Variants in WDR19 observed in about 807,000 individuals in gnomAD.
The protein encoded by WDR19 is WD repeat domain 19.
Under a neutral mutation model 180.0 loss-of-function variants are expected in WDR19, and 121 were observed. The observed-to-expected ratio is 0.67, with a 90% CI of 0.58 to 0.78. WDR19 has a LOEUF of 0.78. WDR19 is among the 30% of genes least tolerant of loss of function. WDR19 has a pLI of 0.00. For synonymous variants in WDR19, 497 were observed against 540.7 expected (o/e 0.92, Z 1.12); for missense variants, 1,450 against 1,640.7 (o/e 0.88, Z 2.01).
chr4:39,207,012 G>T (rs367755895), intron 9 of WDR19, among the ~76,000 whole-genome samples: 1 of 152,092 alleles, frequency 6.6e-6, no homozygotes, highest in Non-Finnish European at 1.5e-5. Flanking sequence ...ATTTTAACTC[G>T]CTCAGGAAAT....
chr4:39,187,377 G>A (rs967553684), intron 3 of WDR19, among the ~76,000 whole-genome samples: 4 of 145,144 alleles, frequency 2.8e-5, no homozygotes, highest in South Asian at 4.3e-4. Flanking sequence ...CCGAGATTGC[G>A]CTACTGTACT....
intron 14 of WDR19, among the ~76,000 whole-genome samples, chr4:39,222,293 T>C (rs1729782810): frequency 6.6e-6 from 1 of 152,224 alleles, no homozygotes; most frequent in Admixed American, 6.5e-5. Flanking sequence ...GAGAGTTCTT[T>C]ATATATATTT....
chr4:39,185,434 A>G (rs1054122176), intron 1 of WDR19, among the ~76,000 whole-genome samples: 2 of 152,224 alleles, frequency 1.3e-5, no homozygotes, highest in African/African-American at 4.8e-5. Context: ...CACTAAAATT[A>G]CATATTTTTG....
chr4:39,253,288 G>C lies in WDR19; in HGVS notation c.2872G>C (p.Ala958Pro), dbSNP rs1057523257. ...TQSLDGAKMV[A>P]RFFLQLGDYG... is the part of the protein sequence containing the mutation. ...GTCTCTGGATGGAGCCAAAATGGTA[G>C]CCAGGTAACATAATACATTAATATT... is the stretch of plus-strand genomic sequence containing the variant. The change falls in exon 25 of 37, where the codon GCC becomes CCC. Residue 958 changes from alanine (A) to proline (P), a missense_variant. Physicochemically the swap from Ala to Pro is conservative, Grantham distance 27. Transcript: ENST00000399820. The C allele has an allele frequency of 3.1e-6, 5 of 1,610,914 alleles. No homozygotes were observed. Among genetic ancestry groups the C allele is most frequent in the Non-Finnish European group, 4.2e-6 (5 of 1,179,094 alleles).
chr4:39,261,138 G>A (rs13106042), intron 28 of WDR19, among the ~76,000 whole-genome samples: 12,009 of 138,130 alleles, frequency 0.087, 642 homozygotes, highest in East Asian at 0.23. Context: ...ACCACCACAC[G>A]CGGCTATTTT....
chr4:39,199,367 A>G, intron 5 of WDR19, 111 bp from the exon 6 acceptor site: 1 of 781,552 alleles, frequency 1.3e-6, no homozygotes, highest in Non-Finnish European at 2.1e-6. Flanking sequence ...AACTGCTTTG[A>G]TGAAATTCTA....
chr4:39,195,390 AC>A (rs1553903360), intron 5 of WDR19, among the ~76,000 whole-genome samples: 29 of 125,322 alleles, frequency 2.3e-4, no homozygotes, highest in South Asian at 2.0e-3. Flanking sequence ...AAAAAAACAA[AC>A]AAACAAAAAA....
chr4:39,237,085 A>C (rs917583471), intron 20 of WDR19, among the ~76,000 whole-genome samples: 3 of 152,238 alleles, frequency 2.0e-5, no homozygotes, highest in Non-Finnish European at 4.4e-5. Flanking sequence ...GATATATTCC[A>C]ACATTCAAAA....
Position 39,231,792 on chromosome 4 carries a change from C to G in WDR19, c.1983-5C>G. On this transcript the variant is annotated splice_polypyrimidine_tract_variant and splice_region_variant and intron_variant, in intron 17 of 36. Transcript: ENST00000399820. ...TCTGATTAAGCTTATGTTCTTACAT[C>G]CCAGGTTTTCTGATGCTTGGGAAAT... 6.4e-7 allele frequency: 1 copy of G among 1,574,532 alleles called. No individual in the cohort carries two copies.
At chr4:39,183,479 G>A (rs562341542) in intron 1 of WDR19, among the ~76,000 whole-genome samples, 1 of 152,132 alleles carries the variant, frequency 6.6e-6, no homozygotes, top group East Asian at 1.9e-4. Flanking sequence ...TCACTCTCCT[G>A]ACCTCATGAT....
rs1010647747 is a variant in WDR19, at chr4:39,231,698, G to A, written c.1983-99G>A. The A allele has an allele frequency of 2.7e-6, 3 of 1,109,328 alleles. No homozygotes were observed. The African/African-American group carries it at 4.7e-5, about 17-fold the overall frequency. The allele number at this position is 1,109,328 out of a possible 1,614,324, so 68.7% of individuals were successfully genotyped here. A position where few individuals can be genotyped will look rare whatever the true frequency, so the allele number is the denominator to read the frequency against. The stretch of plus-strand genomic sequence containing the variant: ...TACAGGTTAAGAAATGTTTTAGACA[G>A]TTTATCTGGGGCACGCTATTAGATG... On this transcript the variant is annotated intron_variant, in intron 17 of 36. Coordinates refer to ENST00000399820, the MANE Select transcript of WDR19 (RefSeq NM_025132.4).
intron 4 of WDR19, among the ~76,000 whole-genome samples, chr4:39,190,130 C>G (rs1417919068): frequency 6.6e-6 from 1 of 152,186 alleles, no homozygotes. Context: ...CTCCTCTTTT[C>G]TCTATATTGA....
chr4:39,209,292 G>A (rs1728257661), intron 9 of WDR19, among the ~76,000 whole-genome samples: 1 of 151,936 alleles, frequency 6.6e-6, no homozygotes, highest in African/African-American at 2.4e-5. Flanking sequence ...ACATAGAACT[G>A]AATGAAAATG....
intron 1 of WDR19, among the ~76,000 whole-genome samples, chr4:39,184,529 C>G (rs1457938980): frequency 6.6e-6 from 1 of 152,052 alleles, no homozygotes; most frequent in Non-Finnish European, 1.5e-5. Context: ...TGCAGTGGCA[C>G]CATCTCGGCT....
intron 9 of WDR19, among the ~76,000 whole-genome samples, chr4:39,213,893 A>G (rs1728789215): frequency 6.6e-6 from 1 of 152,208 alleles, no homozygotes; most frequent in African/African-American, 2.4e-5. Context: ...GCCTCTTACA[A>G]CTACCTGTGA....
intron 14 of WDR19, among the ~76,000 whole-genome samples, chr4:39,220,425 C>T (rs1370381987): frequency 2.6e-5 from 4 of 151,920 alleles, no homozygotes; most frequent in Admixed American, 1.3e-4. Flanking sequence ...CTCAAGCAAT[C>T]GTCCTGCCTT....
chr4:39,192,778 A>C, intron 4 of WDR19, among the ~76,000 whole-genome samples: 1 of 152,336 alleles, frequency 6.6e-6, no homozygotes, highest in East Asian at 1.9e-4. Flanking sequence ...ATTGTAGCAC[A>C]GTTCTAATTA....
intron 34 of WDR19, among the ~76,000 whole-genome samples, 182 bp downstream of exon 34, chr4:39,277,325 A>T (rs1735997207): frequency 6.6e-6 from 1 of 152,226 alleles, no homozygotes; most frequent in Non-Finnish European, 1.5e-5. Context: ...GCAAATAATA[A>T]TAGTGGAGGC....
chr4:39,211,806 G>A (rs1321026540), intron 9 of WDR19, among the ~76,000 whole-genome samples: 1 of 152,154 alleles, frequency 6.6e-6, no homozygotes, highest in Non-Finnish European at 1.5e-5. Flanking sequence ...TTCATAGATT[G>A]AAAAGCTCAA....
Sources: gnomAD v4.1 joint callset for allele counts (sites outside exome capture counted in the v4.1 genomes callset) on GRCh38, gnomAD v4.1.1 for gene constraint, MANE v1.5 for transcripts, NCBI Gene and HGNC (gene_info 2026-07-23, HGNC 2026-07-21) for gene names.